FMO5: variants seen among roughly 807,000 people sequenced by gnomAD.
FMO5 encodes the protein flavin-containing monooxygenase 5.
In FMO5, 51 loss-of-function variants were observed where a neutral mutation model predicts 43.6. That is an observed-to-expected ratio of 1.17 (90% CI 0.93 to 1.48). The LOEUF is 1.48. Among genes scored for constraint, FMO5 ranks in the 40% most tolerant of loss-of-function variants. FMO5 has a pLI of 0.00. For missense variants in FMO5, 644 were observed against 643.0 expected (o/e 1.00, Z -0.02); for synonymous variants, 187 against 216.5 (o/e 0.86, Z 1.20).
At chr1:147,204,799 G>A (rs1468531966) in intron 6 of FMO5, 14 of 1,598,324 alleles carry the variant, frequency 8.8e-6, no homozygotes, top group Non-Finnish European at 1.2e-5. Context: ...TCCATATGCT[G>A]TACGAGTGGT....
intron 7 of FMO5, among the ~76,000 whole-genome samples, chr1:147,196,368 C>A (rs782677750): frequency 6.6e-6 from 1 of 151,994 alleles, no homozygotes; most frequent in Non-Finnish European, 1.5e-5. Flanking sequence ...TCAAAATAAG[C>A]GTTTTGAGAG....
At chr1:147,194,237 A>T (rs1291189692) in intron 7 of FMO5, among the ~76,000 whole-genome samples, 2 of 152,138 alleles carry the variant, frequency 1.3e-5, no homozygotes, top group African/African-American at 4.8e-5. Context: ...CTTCTTGTTG[A>T]ATTGATCCCT....
At chr1:147,205,859 A>G (rs1284107985) in intron 6 of FMO5, among the ~76,000 whole-genome samples, 1 of 152,186 alleles carries the variant, frequency 6.6e-6, no homozygotes, top group African/African-American at 2.4e-5. Context: ...GGCATGGGCA[A>G]GGACTTCATG....
intron 6 of FMO5, among the ~76,000 whole-genome samples, chr1:147,202,224 T>G (rs28381208): frequency 0.086 from 13,100 of 151,632 alleles, 1,070 homozygotes; most frequent in East Asian, 0.42. Context: ...ATTGGGTTGG[T>G]GCAAAAGTAA....
chr1:147,226,936 T>C (rs782124371), upstream of FMO5, among the ~76,000 whole-genome samples: 3 of 152,012 alleles, frequency 2.0e-5, no homozygotes, highest in Non-Finnish European at 2.9e-5. Context: ...GGGCTCAATC[T>C]ACCCTCCCAC....
chr1:147,190,037 A>C, intron 8 of FMO5, 140 bp downstream of exon 8: 1 of 572,916 alleles, frequency 1.7e-6, no homozygotes, highest in Non-Finnish European at 3.0e-6. Flanking sequence ...TTCTATTGTC[A>C]CAAATTATTT....
At position 147,212,496 on chromosome 1, in the gene FMO5, T is replaced by G; in HGVS notation, c.527A>C (p.Asp176Ala). 5 of 1,613,946 alleles carry G rather than the reference T, an allele frequency of 3.1e-6. No individual in the cohort carries two copies. The highest frequency in any genetic ancestry group is 4.2e-6 in the Non-Finnish European group (5 of 1,179,848). ...AGTGAATCCCTCTGGGTTCTTATAG[T>G]CTCGACTGTGGAAGTACTGCCCTTT... ...KFKGQYFHSR[D>A]YKNPEGFTGK... is the part of the protein sequence containing the mutation. The change falls in exon 5 of 9, where the codon GAC becomes GCC. Residue 176 changes from aspartate (D) to alanine (A), a missense_variant. Physicochemically the swap from Asp to Ala is moderately radical, Grantham distance 126. Coordinates refer to ENST00000254090, the MANE Select transcript of FMO5 (RefSeq NM_001461.4).
intron 8 of FMO5, among the ~76,000 whole-genome samples, chr1:147,188,677 T>G (rs1253003639): frequency 1.3e-5 from 2 of 151,248 alleles, no homozygotes; most frequent in African/African-American, 4.9e-5. Flanking sequence ...TGTATACATA[T>G]GTAAAAAACC....
In FMO5 at chr1:147,192,130, T is replaced by C. The variant is rs587742723; in HGVS notation, c.1184-1881A>G. Among the ~76,000 whole-genome samples, 27 of 152,302 alleles carry C rather than the reference T, an allele frequency of 1.8e-4. No individual in the cohort carries two copies. The East Asian group carries it at 4.6e-3, about 26-fold the overall frequency. On this transcript the variant is annotated intron_variant, in intron 7 of 8. Transcript: ENST00000254090. ...ATGGCCATTTTCACGATATTGATTCTTCCTACCCATGAGCATGGAATGTTC... is the reference window on the plus strand; with the variant it reads ...ATGGCCATTTTCACGATATTGATTCCTCCTACCCATGAGCATGGAATGTTC...
intron 6 of FMO5, among the ~76,000 whole-genome samples, chr1:147,206,645 C>G (rs1370871595): frequency 1.3e-5 from 2 of 152,256 alleles, no homozygotes; most frequent in Middle Eastern, 3.4e-3. Flanking sequence ...CCATCATTCT[C>G]AGCAAACTAT....
chr1:147,221,074 A>T (rs2102063558), intron 2 of FMO5, among the ~76,000 whole-genome samples: 1 of 152,242 alleles, frequency 6.6e-6, no homozygotes, highest in Non-Finnish European at 1.5e-5. Flanking sequence ...AAAAAATAAG[A>T]TAAATCCCAA....
At position 147,201,268 on chromosome 1, in the gene FMO5, A is replaced by C. The variant is rs782720672; in HGVS notation, c.1067T>G (p.Val356Gly). The C allele has an allele frequency of 1.9e-6, 3 of 1,614,126 alleles. No homozygotes were observed. The highest frequency in any genetic ancestry group is 2.5e-6 in the Non-Finnish European group (3 of 1,180,010). The change falls in exon 7 of 9, where the codon GTC (valine) becomes GGC (glycine). Residue 356 changes from valine (V) to glycine (G), a missense_variant. Physicochemically the swap from Val to Gly is moderately radical, Grantham distance 109. Coordinates refer to ENST00000254090, the MANE Select transcript of FMO5 (RefSeq NM_001461.4). ...VKNKISLYKK[V>G]FPPNLERPTL... ...TGGCCTTTCCAGGTTAGGAGGGAAG[A>C]CCTTTTTATACAGGGATATCTTGTT...
At position 147,201,250 on chromosome 1, in the gene FMO5, T is replaced by C. The variant is rs1222060131; in HGVS notation, c.1085A>G (p.Glu362Gly). 6.2e-7 allele frequency: 1 copy of C among 1,614,188 alleles called. No individual in the cohort carries two copies. The highest frequency in any genetic ancestry group is 2.2e-5 in the East Asian group (1 of 44,884). ...GCCTATGATTGCAAGAGTTGGCCTT[T>C]CCAGGTTAGGAGGGAAGACCTTTTT... ...LYKKVFPPNL[E>G]RPTLAIIGLI... is the part of the protein sequence containing the mutation. Residue 362 changes from glutamate to glycine, a missense_variant, in exon 7 of 9, where the codon GAA becomes GGA. Glu to Gly is a moderately conservative substitution (Grantham distance 98, BLOSUM62 -2). Transcript: ENST00000254090.
chr1:147,188,707 C>G (rs587698289), intron 8 of FMO5, among the ~76,000 whole-genome samples: 6 of 149,788 alleles, frequency 4.0e-5, no homozygotes, highest in Admixed American at 2.0e-4. Context: ...TACACATGTA[C>G]CCTAGAACTT....
intron 8 of FMO5, among the ~76,000 whole-genome samples, chr1:147,188,772 A>G (rs1553917780): frequency 6.6e-6 from 1 of 151,658 alleles, no homozygotes; most frequent in East Asian, 1.9e-4. Flanking sequence ...TTAAAAAAAA[A>G]AAAGGTTACA....
At chr1:147,208,677 G>A (rs925201596) in intron 6 of FMO5, 175 bp downstream of exon 6, 12 of 522,928 alleles carry the variant, frequency 2.3e-5, no homozygotes, top group African/African-American at 1.4e-4. Flanking sequence ...GAGCTCAGGT[G>A]ATCCACCCGC....
chr1:147,213,950 T>C (rs922425416), intron 3 of FMO5, among the ~76,000 whole-genome samples: 1 of 152,158 alleles, frequency 6.6e-6, no homozygotes, highest in East Asian at 1.9e-4. Context: ...AACACCTCAG[T>C]GGCTCTCATT....
chr1:147,213,605 C>G (rs1661444646), intron 3 of FMO5, 135 bp from the exon 4 acceptor site: 1 of 694,650 alleles, frequency 1.4e-6, no homozygotes, highest in Admixed American at 3.3e-5. Flanking sequence ...TCATACTCCA[C>G]AAATAAGAAC....
intron 4 of FMO5, 27 bp downstream of exon 4, chr1:147,213,279 AGG>A (rs1553924124): frequency 1.3e-6 from 2 of 1,581,718 alleles, no homozygotes; most frequent in Non-Finnish European, 1.7e-6. Context: ...GCATGGGTCA[AGG>A]GTCTTCCTTC....
Sources: allele counts gnomAD v4.1 joint callset (sites outside exome capture counted in the v4.1 genomes callset), GRCh38; gene constraint gnomAD v4.1.1; transcripts MANE v1.5; gene names NCBI Gene and HGNC (gene_info 2026-07-23, HGNC 2026-07-21).